Variants in GLIS3 observed in about 807,000 individuals in gnomAD.
GLIS3 encodes the protein GLIS family zinc finger 3.
In GLIS3, 53 loss-of-function variants were observed where a neutral mutation model predicts 78.6. That is an observed-to-expected ratio of 0.67 (90% CI 0.54 to 0.85). The LOEUF is 0.85. Among genes scored for constraint, GLIS3 ranks in the 40% least tolerant of loss-of-function variants. The probability of loss-of-function intolerance (pLI) is 0.00; values close to 1 mark genes in which losing one functional copy is unlikely to be tolerated. For synonymous variants in GLIS3, 684 were observed against 509.9 expected, an observed-to-expected ratio of 1.34 and a Z score of -4.60; for missense variants, 1,703 against 1,231.1, an observed-to-expected ratio of 1.38 and a Z score of -5.74.
At chr9:4,481,310 C>T in the GLIS3 span, among the ~76,000 whole-genome samples, 49 of 152,008 alleles carry the variant, frequency 3.2e-4, no homozygotes, top group African/African-American at 1.2e-3. Flanking sequence ...ATGGTGAAAC[C>T]CTGTCTCTAC....
At chr9:4,444,435 C>G in the GLIS3 span, among the ~76,000 whole-genome samples, 2 of 152,208 alleles carry the variant, frequency 1.3e-5, no homozygotes, top group Non-Finnish European at 2.9e-5. Flanking sequence ...TCAGTACACA[C>G]AGTTTTTGAA....
intron 4 of GLIS3, among the ~76,000 whole-genome samples, chr9:4,098,865 G>A (rs901615717): frequency 1.3e-4 from 20 of 152,038 alleles, no homozygotes; most frequent in Non-Finnish European, 2.4e-4. Flanking sequence ...ACATAAACCC[G>A]CATGCAGAGC....
chr9:4,072,748 T>TTTG (rs1554688797), intron 4 of GLIS3, among the ~76,000 whole-genome samples: 1 of 151,894 alleles, frequency 6.6e-6, no homozygotes, highest in East Asian at 1.9e-4. Flanking sequence ...ACTGTTTTTT[T>TTTG]TTGTTGTTGT....
chr9:3,861,929 C>G (rs1351004103), intron 8 of GLIS3, among the ~76,000 whole-genome samples: 1 of 148,100 alleles, frequency 6.8e-6, no homozygotes, highest in Admixed American at 6.7e-5. Context: ...AAATGTATCC[C>G]AGAACTTAAA....
At chr9:4,110,670 C>G (rs554775109) in intron 4 of GLIS3, among the ~76,000 whole-genome samples, 14 of 152,226 alleles carry the variant, frequency 9.2e-5, no homozygotes, top group African/African-American at 2.9e-4. Context: ...TAAAATCAAG[C>G]CTTCCCTACT....
chr9:4,273,548 G>T (rs1464795988), intron 2 of GLIS3, among the ~76,000 whole-genome samples: 2 of 151,910 alleles, frequency 1.3e-5, no homozygotes, highest in African/African-American at 4.8e-5. Flanking sequence ...AGCTATGATG[G>T]TGCCAATGCA....
chr9:4,224,956 T>A (rs1821643494), intron 2 of GLIS3, among the ~76,000 whole-genome samples: 1 of 151,978 alleles, frequency 6.6e-6, no homozygotes, highest in South Asian at 2.1e-4. Flanking sequence ...TTATCATTAC[T>A]ACAATATTTT....
At chr9:3,833,116 G>C (rs1238784323) in intron 9 of GLIS3, among the ~76,000 whole-genome samples, 1 of 152,170 alleles carries the variant, frequency 6.6e-6, no homozygotes, top group African/African-American at 2.4e-5. Context: ...CTGGATCTGA[G>C]CGAGGAGGAC....
the GLIS3 span, among the ~76,000 whole-genome samples, chr9:4,368,337 TG>T: frequency 1.5e-5 from 2 of 134,866 alleles, no homozygotes; most frequent in South Asian, 2.5e-4. Context: ...ACAAGAACCC[TG>T]TTTTTTTTTT....
At chr9:4,380,881 T>TCCA in the GLIS3 span, among the ~76,000 whole-genome samples, 10 of 152,074 alleles carry the variant, frequency 6.6e-5, no homozygotes, top group Non-Finnish European at 1.3e-4. Context: ...TCTCAAAATG[T>TCCA]CTCTAAGGTG....
rs140993915 is a variant in GLIS3, at chr9:4,261,363, G to A, written c.388+24675C>T. ...AAAGAGAAGAGAAATAGGGATGGAA[G>A]AGGAGGGAAGAAAGGGAGACAGGGG... is the stretch of plus-strand genomic sequence containing the variant. On this transcript the variant is annotated intron_variant, in intron 2 of 10. Transcript: ENST00000381971. Among the ~76,000 whole-genome samples the A allele has an allele frequency of 8.8e-3, 1,342 of 152,302 alleles. 101 individuals carry two copies. The highest frequency in any genetic ancestry group is 0.07 in the Admixed American group (1,065 of 15,292).
At chr9:3,847,011 G>A (rs980594495) in intron 9 of GLIS3, among the ~76,000 whole-genome samples, 1 of 151,896 alleles carries the variant, frequency 6.6e-6, no homozygotes, top group Non-Finnish European at 1.5e-5. Flanking sequence ...TGGCAAAACG[G>A]TGTCTCTACT....
chr9:4,434,460 T>TA, the GLIS3 span, among the ~76,000 whole-genome samples: 1 of 152,162 alleles, frequency 6.6e-6, no homozygotes, highest in Admixed American at 6.5e-5. Flanking sequence ...GCTGAGACAT[T>TA]AAAAATAATA....
chr9:4,110,194 T>C (rs574719220), intron 4 of GLIS3, among the ~76,000 whole-genome samples: 1 of 152,350 alleles, frequency 6.6e-6, no homozygotes, highest in Non-Finnish European at 1.5e-5. Context: ...AAGGTAATTA[T>C]ATACCCTAAT....
chr9:4,322,328 A>G (rs924071012), intron 2 of GLIS3, among the ~76,000 whole-genome samples: 32 of 152,210 alleles, frequency 2.1e-4, no homozygotes, highest in Non-Finnish European at 3.1e-4. Context: ...GAATAGTGCC[A>G]CAATAAACAT....
At chr9:4,071,914 G>A (rs1230291167) in intron 4 of GLIS3, 1 of 152,268 alleles carries the variant, frequency 6.6e-6, no homozygotes, top group East Asian at 1.9e-4. Context: ...ATAAACAATA[G>A]AATATCAAGA....
At chr9:4,214,381 C>G (rs1158399674) in intron 2 of GLIS3, among the ~76,000 whole-genome samples, 1 of 152,290 alleles carries the variant, frequency 6.6e-6, no homozygotes, top group East Asian at 1.9e-4. Context: ...TACTTAGTGT[C>G]ACAACATGTG....
At chr9:4,191,281 G>C (rs1027078691) in intron 2 of GLIS3, among the ~76,000 whole-genome samples, 1 of 152,146 alleles carries the variant, frequency 6.6e-6, no homozygotes, top group African/African-American at 2.4e-5. Flanking sequence ...GCTGTATTTA[G>C]GAGTTTTCTT....
At chr9:3,936,687 C>T (rs1825915809) in intron 5 of GLIS3, among the ~76,000 whole-genome samples, 1 of 152,124 alleles carries the variant, frequency 6.6e-6, no homozygotes, top group Admixed American at 6.5e-5. Context: ...GACTTGATAT[C>T]TCAATACTGT....
Sources: allele counts gnomAD v4.1 joint callset (sites outside exome capture counted in the v4.1 genomes callset), GRCh38; gene constraint gnomAD v4.1.1; transcripts MANE v1.5; gene names NCBI Gene and HGNC (gene_info 2026-07-23, HGNC 2026-07-21).